CLIP2: variants seen among roughly 807,000 people sequenced by gnomAD.
The protein encoded by CLIP2 is CAP-Gly domain-containing linker protein 2.
CLIP2 carries 41 observed loss-of-function variants against 111.7 expected under a neutral mutation model. That is an observed-to-expected ratio of 0.37 (90% confidence interval 0.29 to 0.48). The LOEUF (loss-of-function observed/expected upper bound fraction) is 0.48. Ranked by LOEUF, CLIP2 falls within the 20% of genes least tolerant of loss-of-function variation. The pLI is 0.99. For missense variants in CLIP2, 1,160 were observed against 1,422.1 expected, an observed-to-expected ratio of 0.82 and a Z score of 2.96; for synonymous variants, 660 against 644.2, an observed-to-expected ratio of 1.02 and a Z score of -0.37.
chr7:74,364,130 T>C, intron 7 of CLIP2, 125 bp from the exon 8 acceptor site: 2 of 805,762 alleles, frequency 2.5e-6, no homozygotes, highest in South Asian at 1.7e-5. Context: ...GTGGGACATT[T>C]TGATGGCCTC....
chr7:74,349,139 G>A (rs985141630), intron 3 of CLIP2, among the ~76,000 whole-genome samples: 10 of 148,052 alleles, frequency 6.8e-5, no homozygotes, highest in Admixed American at 6.8e-5. Context: ...GCCACAAAAC[G>A]AATGAAGTAC....
Position 74,400,149 on chromosome 7 carries a change from CAAAAA to C in CLIP2, c.2881-204_2881-200del, listed in dbSNP as rs781818573. ...TAGGTGATAGAGCGAGACTCTGTCT[CAAAAA>C]AAAAAAAAAAAAAAAAGTCAAGAGG... On this transcript the variant is annotated intron_variant, in intron 14 of 16. Transcript: ENST00000223398. 1.8e-3 allele frequency among the ~76,000 whole-genome samples: 98 copies of C among 55,552 alleles called. 1 individual carries two copies. Among genetic ancestry groups the C allele is most frequent in the African/African-American group, 6.1e-3 (96 of 15,672 alleles). 36.4% of individuals were successfully genotyped at this position (55,552 alleles called of 152,430 possible). A position where few individuals can be genotyped will look rare whatever the true frequency, so the allele number is the denominator to read the frequency against.
intron 2 of CLIP2, among the ~76,000 whole-genome samples, chr7:74,335,730 TTTC>T (rs1428147807): frequency 6.7e-6 from 1 of 150,374 alleles, no homozygotes; most frequent in Non-Finnish European, 1.5e-5. Flanking sequence ...CCTTCCTTTC[TTTC>T]TTTTCTTTCT....
At chr7:74,369,340 G>T (rs1355809295) in intron 8 of CLIP2, among the ~76,000 whole-genome samples, 3 of 152,092 alleles carry the variant, frequency 2.0e-5, no homozygotes, top group African/African-American at 7.2e-5. Context: ...AACAGAGTGA[G>T]ACTCTGTCTC....
rs950531851 is a variant in CLIP2 at position 74,380,810 on chromosome 7, T to A, written c.2426T>A (p.Ile809Asn). The change falls in exon 11 of 17, where the codon ATT becomes AAT. Residue 809 changes from isoleucine to asparagine, a missense_variant. This residue lies in a region of CLIP2 where 676 missense variants were observed against 777.8 expected (regional missense o/e 0.87). Coordinates refer to ENST00000223398, the MANE Select transcript of CLIP2 (RefSeq NM_003388.5). ...ALCSSQHTHM[I>N]ESNDISEETI... ...TTACAGGGGCTCTTTTTGCAGATGA[T>A]TGAGTCGAATGACATTTCAGAGGAG... 1.2e-6 allele frequency: 2 copies of A among 1,606,550 alleles called. No homozygotes were observed. The highest frequency in any genetic ancestry group is 2.2e-5 in the East Asian group (1 of 44,630).
At chr7:74,395,185 A>C (rs1554316492) in intron 13 of CLIP2, among the ~76,000 whole-genome samples, 1 of 147,754 alleles carries the variant, frequency 6.8e-6, no homozygotes, top group Non-Finnish European at 1.5e-5. Context: ...TCTGAGACGG[A>C]GTTTTGCTCT....
intron 1 of CLIP2, among the ~76,000 whole-genome samples, chr7:74,311,279 A>G (rs990732993): frequency 1.4e-4 from 21 of 152,076 alleles, no homozygotes; most frequent in African/African-American, 4.8e-4. Context: ...GCACTCGGCC[A>G]CTATTTTTAA....
At chr7:74,316,776 G>T (rs1167975744) in intron 1 of CLIP2, among the ~76,000 whole-genome samples, 4 of 152,138 alleles carry the variant, frequency 2.6e-5, no homozygotes, top group African/African-American at 9.6e-5. Context: ...TGGCCAGCCT[G>T]GTCTTGAACT....
intron 11 of CLIP2, among the ~76,000 whole-genome samples, chr7:74,386,140 C>T (rs556496872): frequency 1.3e-5 from 2 of 151,726 alleles, no homozygotes; most frequent in East Asian, 1.9e-4. Flanking sequence ...CTCTGCCTCC[C>T]GGGTTCAAAC....
In CLIP2 at chr7:74,396,375, G is replaced by A. The variant is rs190244240; in HGVS notation, c.2721-699G>A. Among the ~76,000 whole-genome samples the A allele has an allele frequency of 4.5e-4, 68 of 152,232 alleles. No individual in the cohort carries two copies. In the East Asian group the frequency reaches 9.5e-3, roughly 21 times the overall value. On this transcript the variant is annotated intron_variant, in intron 13 of 16. Transcript: ENST00000223398. ...CCAGGAGTTCAAGATGACCCTGGGC[G>A]ACATAGCAAGACCCTGTCTCTATTT... is the stretch of plus-strand genomic sequence containing the variant.
chr7:74,385,457 C>T (rs572299199), intron 11 of CLIP2, among the ~76,000 whole-genome samples: 221 of 148,528 alleles, frequency 1.5e-3, no homozygotes, highest in African/African-American at 5.4e-3. Context: ...ACAATGATAA[C>T]CTGTCTCAAA....
intron 13 of CLIP2, among the ~76,000 whole-genome samples, chr7:74,392,194 A>G (rs2116696091): frequency 6.6e-6 from 1 of 152,016 alleles, no homozygotes; most frequent in Non-Finnish European, 1.5e-5. Flanking sequence ...TACTAAAAAT[A>G]CAAAAAATTA....
At chr7:74,328,978 T>C (rs1554730974) in intron 2 of CLIP2, among the ~76,000 whole-genome samples, 1 of 150,454 alleles carries the variant, frequency 6.6e-6, no homozygotes, top group South Asian at 2.1e-4. Context: ...AGTGGTGCGA[T>C]CTCAGCTCAC....
chr7:74,395,061 C>T (rs1403677434), intron 13 of CLIP2, among the ~76,000 whole-genome samples: 4 of 152,172 alleles, frequency 2.6e-5, no homozygotes, highest in African/African-American at 9.7e-5. Context: ...TGGCCTCATC[C>T]CCGTCTCCCT....
At chr7:74,339,807 G>C (rs1312839671) in intron 3 of CLIP2, among the ~76,000 whole-genome samples, 2 of 152,074 alleles carry the variant, frequency 1.3e-5, no homozygotes, top group Admixed American at 6.6e-5. Context: ...CCTGGTCCTG[G>C]CCAGGCACAG....
At chr7:74,309,967 G>A (rs1788600076) in intron 1 of CLIP2, among the ~76,000 whole-genome samples, 1 of 140,760 alleles carries the variant, frequency 7.1e-6, no homozygotes, top group Non-Finnish European at 1.5e-5. Context: ...GGGAGGCTGA[G>A]GTGGGGGGAA....
chr7:74,351,663 C>G (rs1292717286), intron 3 of CLIP2, among the ~76,000 whole-genome samples: 2 of 151,842 alleles, frequency 1.3e-5, no homozygotes, highest in African/African-American at 4.8e-5. Flanking sequence ...TGGCGAAACC[C>G]CGTCTCTACT....
intron 13 of CLIP2, among the ~76,000 whole-genome samples, chr7:74,393,639 C>T (rs1314894410): frequency 1.3e-5 from 2 of 152,156 alleles, no homozygotes; most frequent in Non-Finnish European, 2.9e-5. Context: ...CCGGGCCCAG[C>T]ATTTGCATTT....
At chr7:74,294,358 A>C (rs1788112859) in intron 1 of CLIP2, among the ~76,000 whole-genome samples, 1 of 152,196 alleles carries the variant, frequency 6.6e-6, no homozygotes, top group African/African-American at 2.4e-5. Flanking sequence ...TTCCCTTCTG[A>C]ATAGAAGGCA....
Sources: gnomAD v4.1 joint callset for allele counts (sites outside exome capture counted in the v4.1 genomes callset) on GRCh38, gnomAD v4.1.1 for gene constraint, gnomAD v4.1.1 regional missense constraint, MANE v1.5 for transcripts, NCBI Gene and HGNC (gene_info 2026-07-23, HGNC 2026-07-21) for gene names.